Variants in SLIT3 observed in about 807,000 individuals in gnomAD.
SLIT3 encodes the protein slit homolog 3 protein.
SLIT3 carries 68 observed loss-of-function variants against 184.0 expected under a neutral mutation model. The observed-to-expected ratio is 0.37, with a 90% CI of 0.30 to 0.45. The LOEUF (loss-of-function observed/expected upper bound fraction) is 0.45. Ranked by LOEUF, SLIT3 falls within the 20% of genes least tolerant of loss-of-function variation. The pLI is 1.00. For synonymous variants in SLIT3, 831 were observed against 828.6 expected (o/e 1.00, Z -0.05); for missense variants, 1,707 against 2,026.0 (o/e 0.84, Z 3.02).
At chr5:169,003,898 A>T (rs1439650389) in intron 4 of SLIT3, among the ~76,000 whole-genome samples, 1 of 152,062 alleles carries the variant, frequency 6.6e-6, no homozygotes, top group Non-Finnish European at 1.5e-5. Context: ...GGAAGTGGGG[A>T]TGTGGGGATT....
At chr5:169,137,666 T>C (rs1761570895) in intron 4 of SLIT3, among the ~76,000 whole-genome samples, 1 of 152,040 alleles carries the variant, frequency 6.6e-6, no homozygotes, top group South Asian at 2.1e-4. Context: ...AACTGCCTCA[T>C]ACGGTGCCAC....
chr5:168,804,310 CAAAAAAAAAAAA>C (rs770650322), intron 9 of SLIT3, among the ~76,000 whole-genome samples: 2 of 52,368 alleles, frequency 3.8e-5, no homozygotes, highest in Admixed American at 3.3e-4. Context: ...AACTCTTTCT[CAAAAAAAAAAAA>C]AAAAAAAAAA....
Position 168,722,950 on chromosome 5 carries a change from C to T in SLIT3, c.2394G>A (p.Met798Ile), listed in dbSNP as rs1411118757. The change falls in exon 22 of 36, where the codon ATG becomes ATA. Residue 798 changes from methionine (M) to isoleucine (I), a missense_variant. Around this residue, in one of 3 missense-constraint regions of SLIT3, gnomAD observed 1,307 missense variants for 1,511.6 expected, o/e 0.86. Transcript: ENST00000519560. ...SMLTNYTFSN[M>I]SHLSTLILSY... ...GTACTCACAGAGTGGAGAGGTGAGA[C>T]ATGTTACTGAAGGTGTAATTGGTCA... 3 of 1,613,696 alleles carry T rather than the reference C, an allele frequency of 1.9e-6. No homozygotes were observed. The highest frequency in any genetic ancestry group is 2.5e-6 in the Non-Finnish European group (3 of 1,179,588).
At chr5:168,864,142 C>T (rs1257314938) in intron 5 of SLIT3, among the ~76,000 whole-genome samples, 4 of 151,986 alleles carry the variant, frequency 2.6e-5, no homozygotes, top group Non-Finnish European at 4.4e-5. Context: ...CCCAGGAGGT[C>T]GAGGCTGCAG....
In SLIT3 at chr5:168,749,597, A is replaced by T; in HGVS notation, c.2012T>A (p.Leu671Gln). The T allele has an allele frequency of 1.9e-6, 3 of 1,614,224 alleles. No individual in the cohort carries two copies. The highest frequency in any genetic ancestry group is 2.5e-6 in the Non-Finnish European group (3 of 1,180,044). The stretch of plus-strand genomic sequence containing the variant: ...CCTCAACCACTTGCCGAGCCAGGCC[A>T]GGTGGCAGTTGCAGTTGAAGGGGTT... The part of the protein sequence containing the change: ...LSNPFNCNCH[L>Q]AWLGKWLRKR... The change falls in exon 19 of 36, where the codon CTG (leucine) becomes CAG (glutamine). Residue 671 changes from leucine to glutamine, a missense_variant. By Grantham distance (113) the Leu-to-Gln change is moderately radical. This residue lies in a region of SLIT3 where 1,307 missense variants were observed against 1,511.6 expected (regional missense o/e 0.86). Coordinates refer to ENST00000519560, the MANE Select transcript of SLIT3 (RefSeq NM_003062.4).
intron 29 of SLIT3, among the ~76,000 whole-genome samples, chr5:168,692,084 G>A (rs932443823): frequency 2.6e-5 from 4 of 152,150 alleles, no homozygotes; most frequent in Admixed American, 6.5e-5. Context: ...AGACAGCTCC[G>A]CCAATGGCCA....
intron 4 of SLIT3, among the ~76,000 whole-genome samples, chr5:168,945,271 T>C (rs6882314): frequency 0.029 from 4,367 of 151,424 alleles, 228 homozygotes; most frequent in African/African-American, 0.1. Context: ...AGACAAAGTC[T>C]CACTCTGTTA....
chr5:168,906,297 T>C lies in SLIT3; in HGVS notation c.414-22961A>G, dbSNP rs144077312. On this transcript the variant is annotated intron_variant, in intron 4 of 35. Coordinates refer to ENST00000519560, the MANE Select transcript of SLIT3 (RefSeq NM_003062.4). ...CCCTTCCTTGCCTTTGTGTTGCCCA[T>C]TGTCTCTAGCGATAAAGGAACATCA... 2.6e-5 allele frequency among the ~76,000 whole-genome samples: 4 copies of C among 152,360 alleles called. No homozygotes were observed. The East Asian group carries it at 7.7e-4, about 29-fold the overall frequency.
At chr5:169,056,250 G>A (rs996827067) in intron 4 of SLIT3, among the ~76,000 whole-genome samples, 1 of 152,170 alleles carries the variant, frequency 6.6e-6, no homozygotes, top group African/African-American at 2.4e-5. Context: ...AAGCTCAGTG[G>A]ATGAGGACAG....
intron 3 of SLIT3, among the ~76,000 whole-genome samples, chr5:169,194,655 C>T (rs2113473380): frequency 6.6e-6 from 1 of 152,252 alleles, no homozygotes; most frequent in Middle Eastern, 3.4e-3. Context: ...CCCTTATCAC[C>T]ATCCCTGGAG....
chr5:169,140,997 A>G (rs1382120457), intron 4 of SLIT3, among the ~76,000 whole-genome samples: 2 of 152,196 alleles, frequency 1.3e-5, no homozygotes, highest in African/African-American at 4.8e-5. Flanking sequence ...TCCTCTTGTC[A>G]TATCCAAAAC....
chr5:168,797,983 G>C (rs1432187779), intron 9 of SLIT3, among the ~76,000 whole-genome samples: 6 of 152,130 alleles, frequency 3.9e-5, no homozygotes, highest in African/African-American at 1.2e-4. Flanking sequence ...CACACACAGA[G>C]ACGTCATGCA....
chr5:168,761,853 C>T (rs1265213474), intron 15 of SLIT3, among the ~76,000 whole-genome samples: 1 of 151,694 alleles, frequency 6.6e-6, no homozygotes, highest in Non-Finnish European at 1.5e-5. Flanking sequence ...ATTCTCCTGC[C>T]TTAGCCTCTC....
chr5:168,774,526 A>G, intron 12 of SLIT3, 148 bp from the exon 13 acceptor site: 1 of 854,644 alleles, frequency 1.2e-6, no homozygotes, highest in South Asian at 1.8e-5. Context: ...AAAGAGAGAG[A>G]CCTGCCTTCC....
At chr5:168,919,501 G>A (rs1023296007) in intron 4 of SLIT3, among the ~76,000 whole-genome samples, 1 of 151,884 alleles carries the variant, frequency 6.6e-6, no homozygotes, top group African/African-American at 2.4e-5. Context: ...TTTAAAATGG[G>A]GTGTAATCTG....
chr5:168,846,324 C>T lies in SLIT3; in HGVS notation c.486-1669G>A, dbSNP rs1270254494. The stretch of plus-strand genomic sequence containing the variant: ...CTAGTGTTCAAAGTTCTCACTGATG[C>T]CCACTCACACGGAGTCTCACCACAT... On this transcript the variant is annotated intron_variant, in intron 5 of 35. Transcript: ENST00000519560. 3.9e-5 allele frequency among the ~76,000 whole-genome samples: 6 copies of T among 152,262 alleles called. No individual in the cohort carries two copies. In the South Asian group the frequency reaches 1.0e-3, roughly 26 times the overall value.
intron 31 of SLIT3, among the ~76,000 whole-genome samples, chr5:168,684,849 T>C (rs1761695910): frequency 6.6e-6 from 1 of 152,096 alleles, no homozygotes; most frequent in African/African-American, 2.4e-5. Context: ...CTAAGAGTCA[T>C]CTGGGGAATT....
At chr5:168,800,325 C>T (rs946911344) in intron 9 of SLIT3, among the ~76,000 whole-genome samples, 1 of 152,206 alleles carries the variant, frequency 6.6e-6, no homozygotes. Context: ...GTGGCTCACG[C>T]CTGTAATCCC....
intron 20 of SLIT3, among the ~76,000 whole-genome samples, chr5:168,737,546 C>A (rs1354411274): frequency 6.6e-6 from 1 of 152,362 alleles, no homozygotes; most frequent in East Asian, 1.9e-4. Context: ...CAAATCCTTT[C>A]TTCCAATAGT....
Sources: gnomAD v4.1 joint callset for allele counts (sites outside exome capture counted in the v4.1 genomes callset) on GRCh38, gnomAD v4.1.1 for gene constraint, gnomAD v4.1.1 regional missense constraint, MANE v1.5 for transcripts, NCBI Gene and HGNC (gene_info 2026-07-23, HGNC 2026-07-21) for gene names.